SECISBP2L: variants seen among roughly 807,000 people sequenced by gnomAD.
The protein encoded by SECISBP2L is SECIS binding protein 2 like.
Under a neutral mutation model 114.7 loss-of-function variants are expected in SECISBP2L, and 43 were observed. That is an observed-to-expected ratio of 0.38 (90% CI 0.29 to 0.48). The LOEUF is 0.48. Among genes scored for constraint, SECISBP2L ranks in the 20% least tolerant of loss-of-function variants. The pLI is 0.98. For missense variants in SECISBP2L, 1,136 were observed against 1,301.1 expected (o/e 0.87, Z 1.95); for synonymous variants, 451 against 439.7 (o/e 1.03, Z -0.32).
chr15:49,025,122 CATAA>C (rs1363354518), intron 7 of SECISBP2L, among the ~76,000 whole-genome samples: 2 of 152,184 alleles, frequency 1.3e-5, no homozygotes, highest in Admixed American at 1.3e-4. Context: ...ATCTAATCTA[CATAA>C]ATGATTCCCC....
chr15:48,997,789 A>C (rs1902123810), intron 16 of SECISBP2L, among the ~76,000 whole-genome samples: 1 of 152,194 alleles, frequency 6.6e-6, no homozygotes, highest in East Asian at 1.9e-4. Flanking sequence ...GAATCACTTG[A>C]AACCGGGAGG....
At chr15:49,001,134 A>AT in intron 14 of SECISBP2L, 37 bp from the exon 15 acceptor site, 1 of 1,406,864 alleles carries the variant, frequency 7.1e-7, no homozygotes, top group South Asian at 1.3e-5. Context: ...CTCCATCCTA[A>AT]TTTTTTTCCC....
intron 4 of SECISBP2L, among the ~76,000 whole-genome samples, chr15:49,031,925 T>C (rs749829075): frequency 8.5e-5 from 13 of 152,174 alleles, no homozygotes; most frequent in Non-Finnish European, 1.8e-4. Flanking sequence ...TAGTAATATA[T>C]TACATTATGA....
chr15:48,996,718 C>A, intron 16 of SECISBP2L, 132 bp from the exon 17 acceptor site: 1 of 704,624 alleles, frequency 1.4e-6, no homozygotes. Context: ...AAATGGTATG[C>A]AAACCACAGA....
chr15:49,005,491 CTTCT>C (rs1037054479), intron 14 of SECISBP2L, among the ~76,000 whole-genome samples: 4 of 147,280 alleles, frequency 2.7e-5, no homozygotes, highest in Admixed American at 1.4e-4. Flanking sequence ...ATGTAATGCC[CTTCT>C]TTGTCTCTCT....
Position 49,028,662 on chromosome 15 carries a change from TAG to T in SECISBP2L, c.683_684del (p.Ala228GlufsTer28). 6.2e-7 allele frequency: 1 copy of T among 1,614,018 alleles called. No homozygotes were observed. On this transcript the variant is annotated frameshift_variant, in exon 5 of 18. Transcript: ENST00000559471. LOFTEE classifies it high-confidence loss of function. ...SQQTDFPSDI[A>X]NKSLSETTAT... Reference sequence around the variant, plus strand: ...GCAGTGGTCTCTGAGAGAGACTTGTTAGCGATATCTGATGGGAAATCTACAAA... The same window carrying T: ...GCAGTGGTCTCTGAGAGAGACTTGTTCGATATCTGATGGGAAATCTACAAA...
chr15:49,025,711 CAA>C (rs1443513491), intron 7 of SECISBP2L, among the ~76,000 whole-genome samples: 1 of 150,926 alleles, frequency 6.6e-6, no homozygotes, highest in Non-Finnish European at 1.5e-5. Flanking sequence ...TGCCTATTCT[CAA>C]AAAGACAAAA....
chr15:49,032,900 T>C (rs1396717386), intron 4 of SECISBP2L, 65 bp downstream of exon 4: 4 of 1,582,786 alleles, frequency 2.5e-6, no homozygotes, highest in Non-Finnish European at 3.4e-6. Context: ...CAGACCACAA[T>C]TATAAAGTGA....
intron 12 of SECISBP2L, 117 bp from the exon 13 acceptor site, chr15:49,011,980 T>C (rs1046026857): frequency 1.9e-5 from 23 of 1,199,062 alleles, no homozygotes; most frequent in Admixed American, 4.6e-5. Context: ...CATGAGAAGT[T>C]TGGCTAACTG....
At chr15:49,032,867 G>T in intron 4 of SECISBP2L, 98 bp downstream of exon 4, 2 of 1,426,732 alleles carry the variant, frequency 1.4e-6, no homozygotes, top group Non-Finnish European at 1.9e-6. Context: ...AAGGATGAAA[G>T]TCTACAATTC....
At chr15:49,039,498 G>C (rs1363243393) in intron 1 of SECISBP2L, among the ~76,000 whole-genome samples, 3 of 150,180 alleles carry the variant, frequency 2.0e-5, no homozygotes, top group Non-Finnish European at 4.5e-5. Flanking sequence ...CACTAAAAAT[G>C]TAATTTTTAG....
Position 49,027,458 on chromosome 15 carries a change from T to C in SECISBP2L, c.942A>G (p.Val314=), listed in dbSNP as rs1218731670. The change falls in exon 7 of 18, where the codon GTA becomes GTG. Residue 314 remains valine, a synonymous_variant. Coordinates refer to ENST00000559471, the MANE Select transcript of SECISBP2L (RefSeq NM_001193489.2). The stretch of plus-strand genomic sequence containing the variant: ...GTTTTTTCTGAGTTGCCTGGCAAGT[T>C]ACATTGGACCAATTTACACCACCTA... The part of the protein sequence containing the change: ...MCAGGVNWSN[V]TCQATQKKPW... The C allele has an allele frequency of 3.1e-6, 5 of 1,608,614 alleles. No homozygotes were observed. Among genetic ancestry groups the C allele is most frequent in the Non-Finnish European group, 4.3e-6 (5 of 1,176,352 alleles).
rs374506702 is a variant in SECISBP2L, at chr15:49,000,871, G to A, written c.2248+6C>T. ...TCAAAACACTTCAAAAGCAAAAAGC[G>A]CATACCTTTTGACTGGATTTTTTCA... On this transcript the variant is annotated splice_donor_region_variant and intron_variant, in intron 15 of 17. Coordinates refer to ENST00000559471, the MANE Select transcript of SECISBP2L (RefSeq NM_001193489.2). 2.9e-5 allele frequency: 46 copies of A among 1,608,868 alleles called. No individual in the cohort carries two copies. Among genetic ancestry groups the A allele is most frequent in the African/African-American group, 4.0e-5 (3 of 74,604 alleles).
chr15:49,001,203 G>T, intron 14 of SECISBP2L, 106 bp from the exon 15 acceptor site: 1 of 717,182 alleles, frequency 1.4e-6, no homozygotes, highest in Non-Finnish European at 2.2e-6. Context: ...ATGGTAAGAA[G>T]TTTTCATGAA....
At chr15:49,016,411 TAC>T in intron 11 of SECISBP2L, 147 bp downstream of exon 11, 12 of 631,828 alleles carry the variant, frequency 1.9e-5, no homozygotes, top group Non-Finnish European at 1.9e-5. Flanking sequence ...TGACTTAAAA[TAC>T]ACACACACAA....
intron 8 of SECISBP2L, among the ~76,000 whole-genome samples, chr15:49,018,249 A>G (rs1219723177): frequency 6.7e-6 from 1 of 149,572 alleles, no homozygotes. Flanking sequence ...TATCTAACAT[A>G]TTATTGATTT....
rs187501077 is a variant in SECISBP2L at position 49,002,576 on chromosome 15, T to C, written c.2028-1479A>G. Among the ~76,000 whole-genome samples, 21 of 152,334 alleles carry C rather than the reference T, an allele frequency of 1.4e-4. No individual in the cohort carries two copies. The East Asian group carries it at 3.9e-3, about 28-fold the overall frequency. ...CCTAGGTTTTCTTCCAGGGTTTTTA[T>C]GGTTTTAGGTTTTATGTTTTAAGCC... On this transcript the variant is annotated intron_variant, in intron 14 of 17. Coordinates refer to ENST00000559471, the MANE Select transcript of SECISBP2L (RefSeq NM_001193489.2).
chr15:49,032,832 T>C lies in SECISBP2L; in HGVS notation c.664+133A>G, dbSNP rs1011680606. ...AGATTGCTTTATCCTTCCTAGAGAA[T>C]TTCACAAAGTGGCAGGACAAATGAA... On this transcript the variant is annotated intron_variant, in intron 4 of 17. Transcript: ENST00000559471. 8 of 1,189,674 alleles carry C rather than the reference T, an allele frequency of 6.7e-6. No homozygotes were observed. In the Admixed American group the frequency reaches 9.5e-5, roughly 14 times the overall value. 73.7% of individuals were successfully genotyped at this position (1,189,674 alleles called of 1,614,324 possible). A position where few individuals can be genotyped will look rare whatever the true frequency, so the allele number is the denominator to read the frequency against.
chr15:49,002,183 T>G (rs1002692617), intron 14 of SECISBP2L, among the ~76,000 whole-genome samples: 32 of 152,258 alleles, frequency 2.1e-4, no homozygotes, highest in African/African-American at 7.7e-4. Context: ...CATTGTGGTT[T>G]TGATTTGCAT....
Sources: gnomAD v4.1 joint callset for allele counts (sites outside exome capture counted in the v4.1 genomes callset) on GRCh38, gnomAD v4.1.1 for gene constraint, MANE v1.5 for transcripts, NCBI Gene and HGNC (gene_info 2026-07-23, HGNC 2026-07-21) for gene names.